DLGAP3: variants seen among roughly 807,000 people sequenced by gnomAD.
DLGAP3 encodes disks large-associated protein 3.
DLGAP3 carries 17 observed loss-of-function variants against 81.2 expected under a neutral mutation model. The observed-to-expected ratio is 0.21, with a 90% CI of 0.14 to 0.31. The LOEUF (loss-of-function observed/expected upper bound fraction) is 0.31. Ranked by LOEUF, DLGAP3 falls within the 10% of genes least tolerant of loss-of-function variation. The probability of loss-of-function intolerance (pLI) is 1.00; values close to 1 mark genes in which losing one functional copy is unlikely to be tolerated. For synonymous variants in DLGAP3, 577 were observed against 587.4 expected (o/e 0.98, Z 0.26); for missense variants, 1,124 against 1,388.0 (o/e 0.81, Z 3.02).
In DLGAP3 at chr1:34,926,921, A is replaced by G. The variant is rs566488210; in HGVS notation, c.-135+2530T>C. On this transcript the variant is annotated intron_variant, in intron 1 of 11. Coordinates refer to ENST00000373347, the MANE Select transcript of DLGAP3 (RefSeq NM_001080418.3). ...CAGCTAGAGGCAAAATGCACTGGAA[A>G]CTGGGGAGGATGAAGGAAAACAAGC... 5.3e-5 allele frequency among the ~76,000 whole-genome samples: 8 copies of G among 152,306 alleles called. No individual in the cohort carries two copies. In the East Asian group the frequency reaches 1.5e-3, roughly 29 times the overall value.
intron 1 of DLGAP3, among the ~76,000 whole-genome samples, chr1:34,912,529 C>G (rs1222149171): frequency 1.3e-5 from 2 of 152,190 alleles, no homozygotes; most frequent in Non-Finnish European, 2.9e-5. Context: ...AAGAGTTGTT[C>G]CCTTGTGAAG....
rs1267822663 is a variant in DLGAP3 at position 34,866,192 on chromosome 1, C to T, written c.2831G>A (p.Arg944His). Residue 944 changes from arginine to histidine, a missense_variant, in exon 12 of 12, where the codon CGC becomes CAC. Physicochemically the swap from Arg to His is conservative, Grantham distance 29 (BLOSUM62 0). Around this residue, in one of 9 missense-constraint regions of DLGAP3, gnomAD observed 133 missense variants for 171.1 expected, o/e 0.78. Coordinates refer to ENST00000373347, the MANE Select transcript of DLGAP3 (RefSeq NM_001080418.3). ...GCGCTTGGCCGCCAGGAGCCGCTTG[C>T]GCGCTTCCTGCCGCTGCCGGTCCAC... Reference protein sequence around the residue: ...DSVDRQRQEARKRLLAAKRAA... With the variant: ...DSVDRQRQEAHKRLLAAKRAA... 5.0e-6 allele frequency: 8 copies of T among 1,592,604 alleles called. No homozygotes were observed. The highest frequency in any genetic ancestry group is 6.8e-6 in the Non-Finnish European group (8 of 1,175,804).
At chr1:34,913,674 GT>G (rs1192156535) in intron 1 of DLGAP3, among the ~76,000 whole-genome samples, 7 of 152,202 alleles carry the variant, frequency 4.6e-5, no homozygotes, top group African/African-American at 1.7e-4. Flanking sequence ...CATTTTGAGT[GT>G]CTAGAACAAT....
In DLGAP3 at chr1:34,866,316, G is replaced by C. The variant is rs777387655; in HGVS notation, c.2722-15C>G. The C allele has an allele frequency of 2.7e-6, 4 of 1,500,376 alleles. No homozygotes were observed. The highest frequency in any genetic ancestry group is 3.6e-6 in the Non-Finnish European group (4 of 1,123,432). The allele number at this position is 1,500,376 out of a possible 1,614,324, so 92.9% of individuals were successfully genotyped here. On this transcript the variant is annotated splice_polypyrimidine_tract_variant and intron_variant, in intron 11 of 11. Coordinates refer to ENST00000373347, the MANE Select transcript of DLGAP3 (RefSeq NM_001080418.3). ...TTCTTCTCCTCCTGCGGGGCAGAGG[G>C]CGTCGCTGAGCTGGGGCGCCGAACC...
Position 34,886,235 on chromosome 1 carries a change from A to C in DLGAP3, c.1437T>G (p.Phe479Leu). 1.2e-6 allele frequency: 2 copies of C among 1,610,322 alleles called. No individual in the cohort carries two copies. Among genetic ancestry groups the C allele is most frequent in the East Asian group, 2.2e-5 (1 of 44,756 alleles). ...CCACGGCCTGGGACTCCAGCTCCCC[A>C]AACACCGACCCGCACACGGCCTCCA... ...QQLEAVCGSV[F>L]GELESQAVDA... Residue 479 changes from phenylalanine to leucine, a missense_variant, in exon 6 of 12, where the codon TTT becomes TTG. Physicochemically the swap from Phe to Leu is conservative, Grantham distance 22. Transcript: ENST00000373347.
intron 8 of DLGAP3, 69 bp from the exon 9 acceptor site, chr1:34,869,158 A>T: frequency 9.0e-7 from 1 of 1,106,642 alleles, no homozygotes; most frequent in Non-Finnish European, 1.3e-6. Flanking sequence ...CACCCCAAGC[A>T]AAAAAAAGGA....
chr1:34,921,039 G>C (rs979661413), intron 1 of DLGAP3, among the ~76,000 whole-genome samples: 5 of 152,174 alleles, frequency 3.3e-5, no homozygotes, highest in African/African-American at 1.2e-4. Flanking sequence ...GTTGCCTAGA[G>C]AGCATTTCAG....
chr1:34,915,193 A>G (rs72894139), intron 1 of DLGAP3, among the ~76,000 whole-genome samples: 10,364 of 152,244 alleles, frequency 0.068, 1,201 homozygotes, highest in African/African-American at 0.23. Flanking sequence ...TCATCTGTAA[A>G]ATGGGATCAC....
intron 8 of DLGAP3, among the ~76,000 whole-genome samples, chr1:34,876,413 G>A (rs1449751721): frequency 2.6e-5 from 4 of 152,346 alleles, no homozygotes; most frequent in East Asian, 1.9e-4. Context: ...TGGGATGAGC[G>A]AGACAGCAGT....
chr1:34,884,923 G>A, intron 8 of DLGAP3, 55 bp downstream of exon 8: 1 of 1,333,150 alleles, frequency 7.5e-7, no homozygotes, highest in Non-Finnish European at 1.1e-6. Flanking sequence ...ACACTATGCA[G>A]CCCTCTCTCC....
chr1:34,929,360 C>G lies in DLGAP3; in HGVS notation c.-135+91G>C, dbSNP rs1470209646. 6.7e-6 allele frequency: 1 copy of G among 148,632 alleles called. No homozygotes were observed. The highest frequency in any genetic ancestry group is 2.4e-5 in the African/African-American group (1 of 41,052). 9.2% of individuals were successfully genotyped at this position (148,632 alleles called of 1,614,324 possible). A position where few individuals can be genotyped will look rare whatever the true frequency, so the allele number is the denominator to read the frequency against. On this transcript the variant is annotated intron_variant, in intron 1 of 11. Transcript: ENST00000373347. This position sits in a 1 kb window ranked among gnomAD's most constrained non-coding sequence, Gnocchi z 6.5. ...CGAGCGCCGGAGCCCGGGGCGTGGG[C>G]GGCGCCGGGGCCGCAGCCGGGCCGT...
rs1394002015 is a variant in DLGAP3, at chr1:34,905,444, T to C, written c.-51-10A>G. On this transcript the variant is annotated splice_polypyrimidine_tract_variant and intron_variant, in intron 2 of 11. Transcript: ENST00000373347. ...AGGCCCCAGGAACCTCCTGGAAAAA[T>C]AGGGAGAAAAGGTATTTGAATTGAA... The C allele has an allele frequency of 6.7e-7, 1 of 1,499,308 alleles. No homozygotes were observed. Among genetic ancestry groups the C allele is most frequent in the Non-Finnish European group, 8.9e-7 (1 of 1,119,144 alleles). The allele number at this position is 1,499,308 out of a possible 1,614,324, so 92.9% of individuals were successfully genotyped here.
rs189282426 is a variant in DLGAP3 at position 34,900,435 on chromosome 1, G to A, written c.1108-162C>T. Among the ~76,000 whole-genome samples the A allele has an allele frequency of 1.4e-4, 22 of 152,274 alleles. No homozygotes were observed. The highest frequency in any genetic ancestry group is 2.6e-4 in the African/African-American group (11 of 41,558). On this transcript the variant is annotated intron_variant, in intron 3 of 11. Coordinates refer to ENST00000373347, the MANE Select transcript of DLGAP3 (RefSeq NM_001080418.3). The surrounding 1 kb of genome is among the most constrained non-coding windows in gnomAD (Gnocchi z 5.6). ...GGAGGTAGGGTCTCAGGCTGTCCCC[G>A]TCCCTTACAAGAGACACCTCGTCAT... is the stretch of plus-strand genomic sequence containing the variant.
intron 8 of DLGAP3, among the ~76,000 whole-genome samples, chr1:34,883,357 C>T (rs1639172654): frequency 6.6e-6 from 1 of 152,186 alleles, no homozygotes; most frequent in African/African-American, 2.4e-5. Flanking sequence ...AGCTAGAAGG[C>T]CTGCAGCACT....
At position 34,868,843 on chromosome 1, in the gene DLGAP3, C is replaced by A; in HGVS notation, c.2247G>T (p.Pro749=). The A allele has an allele frequency of 1.3e-6, 2 of 1,581,086 alleles. No homozygotes were observed. Among genetic ancestry groups the A allele is most frequent in the Non-Finnish European group, 1.7e-6 (2 of 1,169,014 alleles). ...GGCCGGGCGACCCATCGGTGGCCGG[C>A]GGCTCGTACGGCAGTGGGTAGCCCT... is the stretch of plus-strand genomic sequence containing the variant. ...YREGYPLPYE[P]PATDGSPGPA... Residue 749 remains proline (P), a synonymous_variant, in exon 9 of 12, where the codon CCG becomes CCT. Transcript: ENST00000373347. The surrounding 1 kb of genome is among the most constrained non-coding windows in gnomAD (Gnocchi z 7.5).
intron 5 of DLGAP3, among the ~76,000 whole-genome samples, chr1:34,896,933 G>A (rs1639388129): frequency 6.6e-6 from 1 of 152,086 alleles, no homozygotes; most frequent in South Asian, 2.1e-4. Context: ...TTTAGGCCAA[G>A]GGGTAATCAC....
chr1:34,878,072 A>G (rs1437027893), intron 8 of DLGAP3, among the ~76,000 whole-genome samples: 1 of 152,222 alleles, frequency 6.6e-6, no homozygotes, highest in Admixed American at 6.5e-5. Flanking sequence ...TGGGAGGCTG[A>G]GCCGGGTGGA....
At chr1:34,913,488 A>G (rs1158147215) in intron 1 of DLGAP3, among the ~76,000 whole-genome samples, 2 of 152,222 alleles carry the variant, frequency 1.3e-5, no homozygotes, top group African/African-American at 4.8e-5. Flanking sequence ...CACTCGCTCC[A>G]ACTAAAGTTG....
intron 1 of DLGAP3, among the ~76,000 whole-genome samples, chr1:34,912,489 A>G (rs1171488466): frequency 6.6e-6 from 1 of 152,202 alleles, no homozygotes; most frequent in Non-Finnish European, 1.5e-5. Context: ...TACAAGCTGG[A>G]CATGACGATC....
Sources: gnomAD v4.1 joint callset for allele counts (sites outside exome capture counted in the v4.1 genomes callset) on GRCh38, gnomAD v4.1.1 for gene constraint, gnomAD v4.1.1 regional missense constraint, Gnocchi (gnomAD v3.1) non-coding constraint, MANE v1.5 for transcripts, NCBI Gene and HGNC (gene_info 2026-07-23, HGNC 2026-07-21) for gene names.